Variants in SLC25A24 observed in about 807,000 individuals in gnomAD.
SLC25A24 encodes solute carrier family 25 member 24, also known as mitochondrial adenyl nucleotide antiporter SLC25A24.
SLC25A24 carries 49 observed loss-of-function variants against 60.7 expected under a neutral mutation model. That is an observed-to-expected ratio of 0.81 (90% CI 0.64 to 1.02). The LOEUF is 1.02. Among genes scored for constraint, SLC25A24 ranks in the 50% least tolerant of loss-of-function variants. SLC25A24 has a pLI of 0.00. For synonymous variants in SLC25A24, 202 were observed against 200.6 expected, an observed-to-expected ratio of 1.01 and a Z score of -0.06; for missense variants, 564 against 586.3, an observed-to-expected ratio of 0.96 and a Z score of 0.39.
chr1:108,176,550 CA>C (rs1647679845), intron 3 of SLC25A24, among the ~76,000 whole-genome samples: 1 of 152,038 alleles, frequency 6.6e-6, no homozygotes, highest in African/African-American at 2.4e-5. Flanking sequence ...AGATTCAATC[CA>C]AACAAGACTA....
At chr1:108,138,975 G>A (rs1454778068) in intron 9 of SLC25A24, 83 bp downstream of exon 9, 2 of 1,317,094 alleles carry the variant, frequency 1.5e-6, no homozygotes, top group Non-Finnish European at 1.0e-6. Context: ...ACTACAGTCT[G>A]CATCTTAGTA....
At chr1:108,158,232 T>C (rs1471088755) in intron 4 of SLC25A24, among the ~76,000 whole-genome samples, 1 of 152,180 alleles carries the variant, frequency 6.6e-6, no homozygotes, top group African/African-American at 2.4e-5. Context: ...TGGAGAGGTA[T>C]TGTTTCAAAT....
chr1:108,161,968 C>A (rs1325157085), intron 3 of SLC25A24, among the ~76,000 whole-genome samples: 1 of 139,322 alleles, frequency 7.2e-6, no homozygotes, highest in East Asian at 2.2e-4. Context: ...CACAACAGTC[C>A]CCAGAGTGTG....
In SLC25A24 at chr1:108,134,975, C is replaced by A. The variant is rs1679242586; in HGVS notation, c.*1678G>T. 6.6e-6 allele frequency: 1 copy of A among 151,956 alleles called. No individual in the cohort carries two copies. Among genetic ancestry groups the A allele is most frequent in the Admixed American group, 6.6e-5 (1 of 15,264 alleles). 9.4% of individuals were successfully genotyped at this position (151,956 alleles called of 1,614,324 possible). On this transcript the variant is annotated 3_prime_UTR_variant, in exon 10 of 10. Transcript: ENST00000565488. Reference sequence around the variant, plus strand: ...GATGTACAGACAAATCACATTCATACCTTACAATTTAAATTCATAATGAAC... The same window carrying A: ...GATGTACAGACAAATCACATTCATAACTTACAATTTAAATTCATAATGAAC...
intron 3 of SLC25A24, among the ~76,000 whole-genome samples, chr1:108,179,846 AAG>A (rs1467511478): frequency 2.6e-5 from 4 of 152,156 alleles, no homozygotes; most frequent in Non-Finnish European, 5.9e-5. Flanking sequence ...GAAAAATACT[AAG>A]AGAATGGATG....
At chr1:108,172,930 T>G (rs1233358866) in intron 3 of SLC25A24, among the ~76,000 whole-genome samples, 1 of 151,572 alleles carries the variant, frequency 6.6e-6, no homozygotes, top group Non-Finnish European at 1.5e-5. Flanking sequence ...ATAATAATAA[T>G]AACAATATCC....
intron 3 of SLC25A24, 61 bp from the exon 4 acceptor site, chr1:108,161,354 T>C (rs1368200703): frequency 8.3e-6 from 7 of 846,856 alleles, no homozygotes; most frequent in South Asian, 1.5e-5. Flanking sequence ...ACTAACATTA[T>C]TGGCCACTTT....
At chr1:108,160,069 G>A (rs562574968) in intron 4 of SLC25A24, among the ~76,000 whole-genome samples, 2 of 151,632 alleles carry the variant, frequency 1.3e-5, no homozygotes, top group Admixed American at 6.6e-5. Flanking sequence ...TCACCTCCCG[G>A]ATGGGGTGGC....
chr1:108,164,278 CT>C (rs1680179056), intron 3 of SLC25A24, among the ~76,000 whole-genome samples: 1 of 151,908 alleles, frequency 6.6e-6, no homozygotes, highest in African/African-American at 2.4e-5. Flanking sequence ...CTCTGCCTGG[CT>C]TTGGTATCAG....
At chr1:108,160,969 G>C (rs1187120942) in intron 4 of SLC25A24, among the ~76,000 whole-genome samples, 1 of 152,034 alleles carries the variant, frequency 6.6e-6, no homozygotes, top group Non-Finnish European at 1.5e-5. Flanking sequence ...ACCGTGGGGA[G>C]GGGGAGAGAG....
At chr1:108,160,349 C>T (rs1391258533) in intron 4 of SLC25A24, among the ~76,000 whole-genome samples, 2 of 149,946 alleles carry the variant, frequency 1.3e-5, no homozygotes, top group Admixed American at 1.3e-4. Context: ...CCTCACTTTC[C>T]AGACTGGGCA....
chr1:108,137,880 A>G (rs1679332336), intron 9 of SLC25A24, among the ~76,000 whole-genome samples: 1 of 152,252 alleles, frequency 6.6e-6, no homozygotes, highest in Admixed American at 6.5e-5. Context: ...ATACACAAGA[A>G]ACGTGTAGTT....
At chr1:108,161,401 A>G (rs1680080025) in intron 3 of SLC25A24, 108 bp from the exon 4 acceptor site, 2 of 663,012 alleles carry the variant, frequency 3.0e-6, no homozygotes, top group African/African-American at 3.8e-5. Flanking sequence ...TAATATTCTC[A>G]TTAAATTAAA....
intron 3 of SLC25A24, 87 bp downstream of exon 3, chr1:108,181,854 G>A (rs1416147017): frequency 2.2e-6 from 2 of 894,138 alleles, no homozygotes; most frequent in African/African-American, 1.7e-5. Context: ...GACTAGGGAG[G>A]TGTTTTAAAG....
At chr1:108,176,572 T>C (rs1262383885) in intron 3 of SLC25A24, among the ~76,000 whole-genome samples, 1 of 152,040 alleles carries the variant, frequency 6.6e-6, no homozygotes, top group Non-Finnish European at 1.5e-5. Context: ...CCCCAAGACA[T>C]ATTACAATCA....
At chr1:108,159,464 GTTT>G (rs60246776) in intron 4 of SLC25A24, among the ~76,000 whole-genome samples, 7 of 131,064 alleles carry the variant, frequency 5.3e-5, no homozygotes, top group Admixed American at 2.3e-4. Flanking sequence ...GTCTTGGGTT[GTTT>G]TTTTTTTTTT....
intron 1 of SLC25A24, among the ~76,000 whole-genome samples, chr1:108,196,711 T>G (rs1648507181): frequency 6.6e-6 from 1 of 152,220 alleles, no homozygotes; most frequent in South Asian, 2.1e-4. Context: ...CATGGACCAC[T>G]GTTTTCTCAC....
intron 4 of SLC25A24, among the ~76,000 whole-genome samples, chr1:108,160,830 A>G (rs947119726): frequency 1.3e-5 from 2 of 152,204 alleles, no homozygotes; most frequent in African/African-American, 2.4e-5. Context: ...CGCGCCTGCA[A>G]TCGCAGGCAC....
rs745370573 is a variant in SLC25A24 at position 108,157,468 on chromosome 1, C to G, written c.663G>C (p.Met221Ile). Residue 221 changes from methionine to isoleucine, a missense_variant, in exon 5 of 10, where the codon ATG becomes ATC. Transcript: ENST00000565488. ...STAPLDRLKI[M>I]MQVHGSKSDK... The stretch of plus-strand genomic sequence containing the variant: ...ACACGATAATAAAGCTCACCTGCAT[C>G]ATGATTTTCAGACGGTCCAAAGGGG... 1.2e-6 allele frequency: 2 copies of G among 1,613,588 alleles called. 1 individual carries two copies.
Sources: gnomAD v4.1 joint callset for allele counts (sites outside exome capture counted in the v4.1 genomes callset) on GRCh38, gnomAD v4.1.1 for gene constraint, MANE v1.5 for transcripts, NCBI Gene and HGNC (gene_info 2026-07-23, HGNC 2026-07-21) for gene names.